MSRB2: variants seen among roughly 807,000 people sequenced by gnomAD.
MSRB2 encodes the protein methionine-R-sulfoxide reductase B2, mitochondrial.
MSRB2 carries 17 observed loss-of-function variants against 19.0 expected under a neutral mutation model. The observed-to-expected ratio is 0.89, with a 90% CI of 0.61 to 1.34. The LOEUF is 1.34. MSRB2 is among the 40% of genes most tolerant of loss of function. The pLI, the probability that MSRB2 is intolerant of heterozygous loss-of-function variation, is 0.00. For missense variants in MSRB2, 208 were observed against 237.6 expected (o/e 0.88, Z 0.82); for synonymous variants, 107 against 99.7 (o/e 1.07, Z -0.44).
chr10:23,118,184 G>C (rs1840134004), intron 3 of MSRB2, among the ~76,000 whole-genome samples: 1 of 152,094 alleles, frequency 6.6e-6, no homozygotes, highest in South Asian at 2.1e-4. Flanking sequence ...GGACACAGAG[G>C]GGACATGAGG....
At chr10:23,119,251 CA>C in intron 3 of MSRB2, 52 bp from the exon 4 acceptor site, 1 of 1,596,398 alleles carries the variant, frequency 6.3e-7, no homozygotes, top group Non-Finnish European at 8.6e-7. Context: ...CACCTCTTGG[CA>C]TGTTAATGAC....
intron 1 of MSRB2, among the ~76,000 whole-genome samples, chr10:23,098,409 C>T (rs535099042): frequency 9.2e-5 from 14 of 152,234 alleles, no homozygotes; most frequent in African/African-American, 3.4e-4. Context: ...ATGGCCTGTG[C>T]AAATCACAGC....
At chr10:23,109,797 CCTGATCTCA>C (rs1466432428) in intron 2 of MSRB2, among the ~76,000 whole-genome samples, 1 of 152,138 alleles carries the variant, frequency 6.6e-6, no homozygotes, top group Non-Finnish European at 1.5e-5. Flanking sequence ...AGGCAAAATG[CCTGATCTCA>C]CTGAACTATG....
intron 1 of MSRB2, among the ~76,000 whole-genome samples, chr10:23,101,054 A>G (rs1839921362): frequency 6.6e-6 from 1 of 152,162 alleles, no homozygotes. Context: ...GTTTTGTTAC[A>G]TGAATAAGTT....
chr10:23,104,051 TG>T, intron 1 of MSRB2, 92 bp from the exon 2 acceptor site: 2 of 941,562 alleles, frequency 2.1e-6, no homozygotes, highest in South Asian at 1.6e-5. Context: ...ATTATTCTGC[TG>T]GGTGACAGTA....
At chr10:23,114,570 G>A (rs1840090382) in intron 3 of MSRB2, among the ~76,000 whole-genome samples, 1 of 152,188 alleles carries the variant, frequency 6.6e-6, no homozygotes, top group African/African-American at 2.4e-5. Flanking sequence ...TGTCTAGTAA[G>A]TGATAGTGCA....
intron 2 of MSRB2, among the ~76,000 whole-genome samples, chr10:23,108,526 A>T (rs1840008688): frequency 7.1e-6 from 1 of 140,548 alleles, no homozygotes; most frequent in South Asian, 2.2e-4. Context: ...CCCAGGCTGG[A>T]GTGCAGTGGC....
chr10:23,112,511 A>C (rs1432503632), intron 3 of MSRB2, among the ~76,000 whole-genome samples: 1 of 152,220 alleles, frequency 6.6e-6, no homozygotes, highest in Non-Finnish European at 1.5e-5. Flanking sequence ...GAATTAATAC[A>C]TGGAAAAGCA....
chr10:23,104,911 T>A (rs1400443530), intron 2 of MSRB2, among the ~76,000 whole-genome samples: 1 of 151,710 alleles, frequency 6.6e-6, no homozygotes, highest in African/African-American at 2.4e-5. Flanking sequence ...AAATCTCACT[T>A]TCTCTGGCAA....
chr10:23,118,930 T>A (rs1450766462), intron 3 of MSRB2: 1 of 414,212 alleles, frequency 2.4e-6, no homozygotes, highest in African/African-American at 2.0e-5. Flanking sequence ...GATGATGACT[T>A]CCTCCGAGCA....
At chr10:23,101,634 G>A (rs1244008617) in intron 1 of MSRB2, among the ~76,000 whole-genome samples, 2 of 152,150 alleles carry the variant, frequency 1.3e-5, no homozygotes, top group Non-Finnish European at 2.9e-5. Context: ...AGTGGAAAAG[G>A]TTTAAAACAC....
At chr10:23,098,365 G>A (rs974170153) in intron 1 of MSRB2, among the ~76,000 whole-genome samples, 2 of 152,120 alleles carry the variant, frequency 1.3e-5, no homozygotes, top group African/African-American at 4.8e-5. Context: ...AAAAATCGAG[G>A]CCCACCCCGT....
chr10:23,096,338 G>GTCTCTCTCTCTCTC, intron 1 of MSRB2, among the ~76,000 whole-genome samples: 1 of 138,460 alleles, frequency 7.2e-6, no homozygotes, highest in East Asian at 2.1e-4. Flanking sequence ...GTGTGTGTGT[G>GTCTCTCTCTCTCTC]TCTCTCTCTC....
Position 23,096,352 on chromosome 10 carries a change from C to CTCTCTGTGTGTG in MSRB2, c.118+627_118+628insCTCTGTGTGTGT, listed in dbSNP as rs144653384. Among the ~76,000 whole-genome samples, 134 of 142,828 alleles carry CTCTCTGTGTGTG rather than the reference C, an allele frequency of 9.4e-4. No individual in the cohort carries two copies. In the South Asian group the frequency reaches 0.023, roughly 25 times the overall value. The allele number at this position is 142,828 out of a possible 152,430, so 93.7% of individuals were successfully genotyped here. ...TGTGTGTGTGTGTCTCTCTCTCTCTCTGTGTGTGTGTGTGTGTGTGTTTCT... is the reference window on the plus strand; with the variant it reads ...TGTGTGTGTGTGTCTCTCTCTCTCTCTCTCTGTGTGTGTGTGTGTGTGTGTGTGTGTGTTTCT... On this transcript the variant is annotated intron_variant, in intron 1 of 4. Transcript: ENST00000376510.
At chr10:23,117,467 G>A (rs1840124089) in intron 3 of MSRB2, among the ~76,000 whole-genome samples, 4 of 152,060 alleles carry the variant, frequency 2.6e-5, no homozygotes, top group Admixed American at 6.6e-5. Context: ...GTAAAACAGT[G>A]CAACTCTTCT....
At chr10:23,100,313 C>G (rs1343584869) in intron 1 of MSRB2, among the ~76,000 whole-genome samples, 1 of 152,186 alleles carries the variant, frequency 6.6e-6, no homozygotes, top group Non-Finnish European at 1.5e-5. Context: ...TGTTCTTGCT[C>G]TTTTTAGTGC....
At chr10:23,108,926 T>C (rs1411718315) in intron 2 of MSRB2, among the ~76,000 whole-genome samples, 1 of 152,218 alleles carries the variant, frequency 6.6e-6, no homozygotes, top group Non-Finnish European at 1.5e-5. Flanking sequence ...TGTACCCAGA[T>C]GGTAGGCTCA....
At chr10:23,115,094 G>C (rs1840097537) in intron 3 of MSRB2, among the ~76,000 whole-genome samples, 2 of 152,066 alleles carry the variant, frequency 1.3e-5, no homozygotes, top group Admixed American at 1.3e-4. Context: ...TGAGTTTGGT[G>C]CACAGTTTTG....
At chr10:23,115,877 A>G (rs1016440470) in intron 3 of MSRB2, among the ~76,000 whole-genome samples, 1 of 152,192 alleles carries the variant, frequency 6.6e-6, no homozygotes, top group African/African-American at 2.4e-5. Flanking sequence ...TATTGTATTC[A>G]TAATTCTCAA....
Sources: gnomAD v4.1 joint callset for allele counts (sites outside exome capture counted in the v4.1 genomes callset) on GRCh38, gnomAD v4.1.1 for gene constraint, MANE v1.5 for transcripts, NCBI Gene and HGNC (gene_info 2026-07-23, HGNC 2026-07-21) for gene names.